TOPAZ1: variants seen among roughly 807,000 people sequenced by gnomAD.
The protein encoded by TOPAZ1 is protein TOPAZ1.
Under a neutral mutation model 172.2 loss-of-function variants are expected in TOPAZ1, and 66 were observed. The observed-to-expected ratio is 0.38, with a 90% CI of 0.31 to 0.47. TOPAZ1 has a LOEUF of 0.47. Ranked by LOEUF, TOPAZ1 falls within the 20% of genes least tolerant of loss-of-function variation. TOPAZ1 has a pLI of 0.99. For missense variants in TOPAZ1, 1,822 were observed against 1,972.4 expected (o/e 0.92, Z 1.44); for synonymous variants, 681 against 683.9 (o/e 1.00, Z 0.07).
intron 3 of TOPAZ1, among the ~76,000 whole-genome samples, chr3:44,255,720 CAT>C (rs1384198788): frequency 0.2 from 2,789 of 13,760 alleles, 145 homozygotes; most frequent in African/African-American, 0.33. Flanking sequence ...CACACACACA[CAT>C]ATATATATGG....
chr3:44,259,905 C>G (rs1268320604), intron 4 of TOPAZ1, among the ~76,000 whole-genome samples: 1 of 152,182 alleles, frequency 6.6e-6, no homozygotes, highest in African/African-American at 2.4e-5. Flanking sequence ...TGGTCCCACC[C>G]AAAATCTCAC....
At position 44,305,182 on chromosome 3, in the gene TOPAZ1, A is replaced by G; in HGVS notation, c.3900A>G (p.Gly1300=). 1 of 1,534,734 alleles carries G rather than the reference A, an allele frequency of 6.5e-7. No individual in the cohort carries two copies. The highest frequency in any genetic ancestry group is 8.8e-7 in the Non-Finnish European group (1 of 1,141,840). The change falls in exon 14 of 20, where the codon GGA becomes GGG. Residue 1300 remains glycine (G), a synonymous_variant. Coordinates refer to ENST00000309765, the MANE Select transcript of TOPAZ1 (RefSeq NM_001145030.2). ...AAAAAGGTGACTGGACCAAATTGGG[A>G]AAATTATACATTAACGTAAAAATGG... ...CKEKGDWTKL[G]KLYINVKMGC...
At position 44,266,988 on chromosome 3, in the gene TOPAZ1, T is replaced by G; in HGVS notation, c.3021-9T>G. On this transcript the variant is annotated splice_polypyrimidine_tract_variant and intron_variant, in intron 5 of 19. Transcript: ENST00000309765. ...TTAAATTCTGATGTTAATTTTTCCTTTCACACAGCAAAGATTCTAGAAATG... is the reference window on the plus strand; with the variant it reads ...TTAAATTCTGATGTTAATTTTTCCTGTCACACAGCAAAGATTCTAGAAATG... 1 of 1,524,672 alleles carries G rather than the reference T, an allele frequency of 6.6e-7. No individual in the cohort carries two copies. The highest frequency in any genetic ancestry group is 8.8e-7 in the Non-Finnish European group (1 of 1,135,788). 94.4% of individuals were successfully genotyped at this position (1,524,672 alleles called of 1,614,324 possible).
intron 18 of TOPAZ1, among the ~76,000 whole-genome samples, chr3:44,325,630 T>C (rs1195184024): frequency 6.6e-6 from 1 of 152,064 alleles, no homozygotes; most frequent in African/African-American, 2.4e-5. Flanking sequence ...AATACATGTG[T>C]TTTAGTGACT....
At position 44,257,355 on chromosome 3, in the gene TOPAZ1, GT is replaced by G. The variant is rs1699719892; in HGVS notation, c.2955+1078del. The stretch of plus-strand genomic sequence containing the variant: ...GTCTCAAAAAAGAAAACATAGGGGT[GT>G]GTGTGTGTGTGTGTGTGTGTGTGTG... On this transcript the variant is annotated intron_variant, in intron 4 of 19. Transcript: ENST00000309765. Among the ~76,000 whole-genome samples the G allele has an allele frequency of 6.5e-3, 192 of 29,614 alleles. 1 individual carries two copies. Among genetic ancestry groups the G allele is most frequent in the African/African-American group, 0.016 (118 of 7,292 alleles). 19.4% of individuals were successfully genotyped at this position (29,614 alleles called of 152,430 possible).
chr3:44,257,140 G>A (rs1699713386), intron 4 of TOPAZ1, among the ~76,000 whole-genome samples: 1 of 151,926 alleles, frequency 6.6e-6, no homozygotes, highest in African/African-American at 2.4e-5. Context: ...ACCAGCTTGA[G>A]CAACATAGTG....
intron 12 of TOPAZ1, among the ~76,000 whole-genome samples, chr3:44,293,685 GTTAAAA>G (rs980698619): frequency 6.6e-5 from 10 of 152,302 alleles, no homozygotes; most frequent in Admixed American, 5.9e-4. Flanking sequence ...GTTACAGTAA[GTTAAAA>G]TTAATATTGA....
downstream of TOPAZ1, among the ~76,000 whole-genome samples, chr3:44,334,577 C>T (rs1700704291): frequency 6.6e-6 from 1 of 151,986 alleles, no homozygotes. Context: ...AAGATAGAAA[C>T]TTAATGAGAG....
chr3:44,303,562 C>T (rs140687211), intron 12 of TOPAZ1, among the ~76,000 whole-genome samples: 35 of 145,344 alleles, frequency 2.4e-4, no homozygotes, highest in African/African-American at 8.7e-4. Context: ...TCAATGTTAG[C>T]TCTTTCTGCT....
At chr3:44,262,322 A>G (rs1026564753) in intron 4 of TOPAZ1, 97 bp from the exon 5 acceptor site, 15 of 461,740 alleles carry the variant, frequency 3.2e-5, no homozygotes, top group African/African-American at 2.2e-4. Context: ...TATTTAATTA[A>G]CATCTAATAC....
Position 44,267,118 on chromosome 3 carries a change from C to T in TOPAZ1, c.3142C>T (p.Leu1048=), listed in dbSNP as rs1366740096. 6 of 1,537,026 alleles carry T rather than the reference C, an allele frequency of 3.9e-6. No individual in the cohort carries two copies. Among genetic ancestry groups the T allele is most frequent in the Non-Finnish European group, 5.3e-6 (6 of 1,141,698 alleles). Reference sequence around the variant, plus strand: ...AAGTGGTCGTCAAGAAGACACAATACTGAATACCTGGATGAATGGTACTAT... The same window carrying T: ...AAGTGGTCGTCAAGAAGACACAATATTGAATACCTGGATGAATGGTACTAT... ...NLSGRQEDTI[L]NTWMNDFRFL... is the part of the protein sequence containing the mutation. Residue 1048 remains leucine, a synonymous_variant, in exon 6 of 20, where the codon CTG becomes TTG. Transcript: ENST00000309765.
intron 8 of TOPAZ1, among the ~76,000 whole-genome samples, chr3:44,278,588 A>G (rs1362945439): frequency 1.3e-5 from 2 of 152,130 alleles, no homozygotes; most frequent in African/African-American, 4.8e-5. Context: ...GTGTCCAGGA[A>G]TTTATTCCAT....
At position 44,244,665 on chromosome 3, in the gene TOPAZ1, A is replaced by G. The variant is rs1052102473; in HGVS notation, c.2159A>G (p.Asn720Ser). 3.0e-5 allele frequency: 47 copies of G among 1,551,258 alleles called. No individual in the cohort carries two copies. The highest frequency in any genetic ancestry group is 3.9e-5 in the Admixed American group (2 of 50,958). The change falls in exon 2 of 20, where the codon AAT becomes AGT. Residue 720 changes from asparagine to serine, a missense_variant. Around this residue, in one of 2 missense-constraint regions of TOPAZ1, gnomAD observed 1,489 missense variants for 1,490.8 expected, o/e 1.00. Transcript: ENST00000309765. ...EAYSPLELLDNLSGADVRQNR... is the reference protein window; with the variant it reads ...EAYSPLELLDSLSGADVRQNR... ...TACAGTCCTCTAGAACTTCTGGACA[A>G]TTTATCTGGAGCAGACGTAAGACAG...
intron 8 of TOPAZ1, among the ~76,000 whole-genome samples, chr3:44,275,439 T>A (rs1699943137): frequency 6.6e-6 from 1 of 152,046 alleles, no homozygotes; most frequent in African/African-American, 2.4e-5. Context: ...CACGTAAGAG[T>A]GAGAATATGG....
In TOPAZ1 at chr3:44,323,139, G is replaced by C. The variant is rs1487223694; in HGVS notation, c.4519G>C (p.Gly1507Arg). ...QYSLLFNKLLGSCIESSSLGM... is the reference protein window; with the variant it reads ...QYSLLFNKLLRSCIESSSLGM... ...TAGCCTTCTTTTTAATAAGCTTCTA[G>C]GTTCCTGTATAGAAAGCAGTAGTCT... Residue 1507 changes from glycine (G) to arginine (R), a missense_variant, in exon 18 of 20, where the codon GGT (glycine) becomes CGT (arginine). By Grantham distance (125) the Gly-to-Arg change is moderately radical. Coordinates refer to ENST00000309765, the MANE Select transcript of TOPAZ1 (RefSeq NM_001145030.2). 10 of 1,548,318 alleles carry C rather than the reference G, an allele frequency of 6.5e-6. No individual in the cohort carries two copies. Among genetic ancestry groups the C allele is most frequent in the Non-Finnish European group, 8.7e-6 (10 of 1,145,146 alleles).
At chr3:44,278,843 A>G (rs1296291489) in intron 8 of TOPAZ1, among the ~76,000 whole-genome samples, 2 of 129,912 alleles carry the variant, frequency 1.5e-5, no homozygotes, top group Non-Finnish European at 3.3e-5. Context: ...TTTCAGCCCC[A>G]CTCTGATCTT....
intron 12 of TOPAZ1, 120 bp from the exon 13 acceptor site, chr3:44,303,895 A>G: frequency 1.9e-6 from 1 of 523,688 alleles, no homozygotes; most frequent in Non-Finnish European, 3.3e-6. Context: ...TGTTTATAGC[A>G]TATTATATAC....
At chr3:44,273,041 C>T (rs1699915047) in intron 8 of TOPAZ1, among the ~76,000 whole-genome samples, 1 of 152,126 alleles carries the variant, frequency 6.6e-6, no homozygotes, top group Non-Finnish European at 1.5e-5. Context: ...AGGGACTTAC[C>T]ACCAGATTGT....
At chr3:44,293,334 C>T (rs1700160930) in intron 12 of TOPAZ1, among the ~76,000 whole-genome samples, 1 of 152,104 alleles carries the variant, frequency 6.6e-6, no homozygotes, top group African/African-American at 2.4e-5. Flanking sequence ...CAGATTCAGG[C>T]AGGTCCTCCA....
Sources: allele counts gnomAD v4.1 joint callset (sites outside exome capture counted in the v4.1 genomes callset), GRCh38; gene constraint gnomAD v4.1.1; regional missense constraint gnomAD v4.1.1; transcripts MANE v1.5; gene names NCBI Gene and HGNC (gene_info 2026-07-23, HGNC 2026-07-21).